Variants in ITPKC observed in about 807,000 individuals in gnomAD.
ITPKC encodes IP3 3-kinase C.
ITPKC carries 33 observed loss-of-function variants against 67.1 expected under a neutral mutation model. The ratio of observed to expected loss-of-function variants is 0.49; its 90% CI spans 0.37 to 0.66. The LOEUF (loss-of-function observed/expected upper bound fraction) is 0.66. Ranked by LOEUF, ITPKC falls within the 30% of genes least tolerant of loss-of-function variation. The pLI is 0.00. For missense variants in ITPKC, 820 were observed against 892.1 expected, an observed-to-expected ratio of 0.92 and a Z score of 1.03; for synonymous variants, 341 against 359.8, an observed-to-expected ratio of 0.95 and a Z score of 0.59.
Position 40,739,851 on chromosome 19 carries a change from AG to A in ITPKC, c.*295del, listed in dbSNP as rs1254025663. On this transcript the variant is annotated 3_prime_UTR_variant, in exon 7 of 7. Transcript: ENST00000263370. ...CCCGGATCTGCCGGGAAGGCTTCTGAGGGGCTGCCCTGAGAGCATTCAGTTC... is the reference window on the plus strand; with the variant it reads ...CCCGGATCTGCCGGGAAGGCTTCTGAGGGCTGCCCTGAGAGCATTCAGTTC... 4 of 465,158 alleles carry A rather than the reference AG, an allele frequency of 8.6e-6. No homozygotes were observed. The highest frequency in any genetic ancestry group is 1.6e-5 in the Non-Finnish European group (4 of 255,196). 28.8% of individuals were successfully genotyped at this position (465,158 alleles called of 1,614,324 possible).
intron 6 of ITPKC, 32 bp downstream of exon 6, chr19:40,737,801 T>C (rs1260596589): frequency 6.4e-7 from 1 of 1,572,978 alleles, no homozygotes; most frequent in Non-Finnish European, 8.8e-7. Flanking sequence ...GGTGGATGTA[T>C]GGGTGTCGGG....
intron 3 of ITPKC, among the ~76,000 whole-genome samples, chr19:40,731,206 G>A (rs1267423400): frequency 2.6e-5 from 4 of 152,170 alleles, no homozygotes; most frequent in South Asian, 2.1e-4. Context: ...GGGCCCCACC[G>A]TAGGAGGCCA....
intron 4 of ITPKC, among the ~76,000 whole-genome samples, chr19:40,733,940 A>G (rs1209436654): frequency 6.6e-6 from 1 of 152,138 alleles, no homozygotes; most frequent in Admixed American, 6.6e-5. Context: ...TTCAAAAGTC[A>G]AAATAATATT....
At chr19:40,731,595 G>GTT (rs776003885) in intron 3 of ITPKC, among the ~76,000 whole-genome samples, 2,973 of 80,778 alleles carry the variant, frequency 0.037, 84 homozygotes, top group African/African-American at 0.069. Flanking sequence ...CCAATCCTTG[G>GTT]TTTTTTTTTT....
chr19:40,731,153 C>T (rs1251497414), intron 3 of ITPKC, among the ~76,000 whole-genome samples: 2 of 152,142 alleles, frequency 1.3e-5, no homozygotes, highest in East Asian at 1.9e-4. Context: ...GTCCCCAACC[C>T]CTGGGCCGCA....
intron 4 of ITPKC, among the ~76,000 whole-genome samples, chr19:40,735,852 A>C (rs1048763808): frequency 3.9e-5 from 6 of 152,212 alleles, no homozygotes; most frequent in Non-Finnish European, 5.9e-5. Context: ...ACTATATGCC[A>C]GGCACTGTGC....
chr19:40,725,608 G>A (rs1239901602), intron 2 of ITPKC, among the ~76,000 whole-genome samples, 169 bp downstream of exon 2: 1 of 152,192 alleles, frequency 6.6e-6, no homozygotes, highest in Non-Finnish European at 1.5e-5. Flanking sequence ...CGTATGTCAG[G>A]GCAGAGGGCT....
chr19:40,723,473 C>T (rs2082231863), intron 1 of ITPKC, among the ~76,000 whole-genome samples: 1 of 150,506 alleles, frequency 6.6e-6, no homozygotes, highest in East Asian at 2.0e-4. Context: ...TTGTATCTCT[C>T]TCTTTTAGTC....
intron 1 of ITPKC, among the ~76,000 whole-genome samples, chr19:40,723,256 C>T (rs1422953695): frequency 4.6e-5 from 7 of 152,056 alleles, no homozygotes; most frequent in South Asian, 2.1e-4. Flanking sequence ...CCACTGCGCC[C>T]GGCCTAATTT....
chr19:40,726,306 G>A (rs114760337), intron 2 of ITPKC, among the ~76,000 whole-genome samples: 1,820 of 151,904 alleles, frequency 0.012, 45 homozygotes, highest in African/African-American at 0.042. Flanking sequence ...TGCCTTCTCC[G>A]CGTGTTCAGA....
At chr19:40,726,165 C>G (rs537037186) in intron 2 of ITPKC, among the ~76,000 whole-genome samples, 2 of 151,812 alleles carry the variant, frequency 1.3e-5, no homozygotes, top group African/African-American at 4.8e-5. Flanking sequence ...CACTTGAACC[C>G]GGGAGGTGAA....
At chr19:40,723,658 G>A (rs574153201) in intron 1 of ITPKC, among the ~76,000 whole-genome samples, 26 of 151,980 alleles carry the variant, frequency 1.7e-4, no homozygotes, top group Admixed American at 1.4e-3. Context: ...CACCACGCCC[G>A]GCTAATTTTT....
At chr19:40,720,895 C>T (rs2082218926) in intron 1 of ITPKC, among the ~76,000 whole-genome samples, 1 of 152,024 alleles carries the variant, frequency 6.6e-6, no homozygotes. Flanking sequence ...TTCCTCCTTC[C>T]TTCCTTCTCA....
chr19:40,727,527 T>A (rs1427773521), intron 2 of ITPKC, among the ~76,000 whole-genome samples: 1 of 152,144 alleles, frequency 6.6e-6, no homozygotes, highest in Non-Finnish European at 1.5e-5. Flanking sequence ...ATCTGGGAAC[T>A]CAGCTAGGGA....
In ITPKC at chr19:40,718,195, A is replaced by G; in HGVS notation, c.1060A>G (p.Ser354Gly). The G allele has an allele frequency of 6.4e-7, 1 of 1,573,000 alleles. No individual in the cohort carries two copies. Among genetic ancestry groups the G allele is most frequent in the Non-Finnish European group, 8.6e-7 (1 of 1,162,860 alleles). Residue 354 changes from serine (S) to glycine (G), a missense_variant, in exon 1 of 7, where the codon AGC becomes GGC. Around this residue, in one of 2 missense-constraint regions of ITPKC, gnomAD observed 481 missense variants for 470.1 expected, o/e 1.02. Transcript: ENST00000263370. Reference protein sequence around the residue: ...VGPPSRVEGGSGGFSSASSFD... With the variant: ...VGPPSRVEGGGGGFSSASSFD... Reference sequence around the variant, plus strand: ...ACCCCCCTCCCGGGTTGAGGGGGGCAGCGGCGGCTTCTCCTCTGCCTCTTC... The same window carrying G: ...ACCCCCCTCCCGGGTTGAGGGGGGCGGCGGCGGCTTCTCCTCTGCCTCTTC...
intron 2 of ITPKC, 104 bp from the exon 3 acceptor site, chr19:40,729,098 C>T (rs1353568793): frequency 1.5e-5 from 12 of 827,112 alleles, no homozygotes; most frequent in East Asian, 2.5e-5. Context: ...GCAGGAGGGT[C>T]GGGCAAGATA....
chr19:40,732,654 C>A (rs929602027), intron 3 of ITPKC, among the ~76,000 whole-genome samples: 1 of 151,648 alleles, frequency 6.6e-6, no homozygotes, highest in African/African-American at 2.4e-5. Flanking sequence ...CTGATCTTGA[C>A]TTTCTGGGCT....
chr19:40,735,899 C>T (rs2082292177), intron 4 of ITPKC, among the ~76,000 whole-genome samples: 1 of 152,194 alleles, frequency 6.6e-6, no homozygotes, highest in Non-Finnish European at 1.5e-5. Context: ...CTAATCCTTA[C>T]ACCAGCCTTA....
intron 5 of ITPKC, 74 bp downstream of exon 5, chr19:40,737,161 G>T: frequency 9.7e-7 from 1 of 1,029,358 alleles, no homozygotes; most frequent in Non-Finnish European, 1.5e-6. Flanking sequence ...CAGAGTCAGT[G>T]GTCTTCTGCT....
Sources: allele counts gnomAD v4.1 joint callset (sites outside exome capture counted in the v4.1 genomes callset), GRCh38; gene constraint gnomAD v4.1.1; regional missense constraint gnomAD v4.1.1; transcripts MANE v1.5; gene names NCBI Gene and HGNC (gene_info 2026-07-23, HGNC 2026-07-21).